The following DAG1 variants were observed in gnomAD, a reference collection of about 807,000 sequenced individuals.
DAG1 encodes the protein dystroglycan 1, also known as dystroglycan 1 (dystrophin-associated glycoprotein 1).
DAG1 carries 8 observed loss-of-function variants against 46.1 expected under a neutral mutation model. The ratio of observed to expected loss-of-function variants is 0.17; its 90% CI spans 0.10 to 0.31. The LOEUF (loss-of-function observed/expected upper bound fraction) is 0.31. Among genes scored for constraint, DAG1 ranks in the 10% least tolerant of loss-of-function variants. The pLI, the probability that DAG1 is intolerant of heterozygous loss-of-function variation, is 1.00. For missense variants in DAG1, 1,003 were observed against 1,189.9 expected, an observed-to-expected ratio of 0.84 and a Z score of 2.31; for synonymous variants, 495 against 481.8, an observed-to-expected ratio of 1.03 and a Z score of -0.36.
chr3:49,533,981 G>C lies in DAG1; in HGVS notation c.*782G>C. The stretch of plus-strand genomic sequence containing the variant: ...AAGCTGGAGGGGTCTCTTGGGCCAT[G>C]GACATCCCCACTTCCAGCCCATGTA... On this transcript the variant is annotated 3_prime_UTR_variant, in exon 3 of 3. Transcript: ENST00000308775. The C allele has an allele frequency of 1.3e-5, 2 of 156,134 alleles. No homozygotes were observed. The highest frequency in any genetic ancestry group is 2.8e-5 in the Non-Finnish European group (2 of 70,442). The allele number at this position is 156,134 out of a possible 1,614,324, so 9.7% of individuals were successfully genotyped here. A position where few individuals can be genotyped will look rare whatever the true frequency, so the allele number is the denominator to read the frequency against.
intron 1 of DAG1, among the ~76,000 whole-genome samples, chr3:49,503,860 T>C (rs1380977756): frequency 6.7e-6 from 1 of 150,138 alleles, no homozygotes; most frequent in Non-Finnish European, 1.5e-5. Context: ...AATTTAAAGG[T>C]TTTTTTTTGA....
chr3:49,475,340 G>A, intron 1 of DAG1, among the ~76,000 whole-genome samples: 1 of 150,130 alleles, frequency 6.7e-6, no homozygotes, highest in Non-Finnish European at 1.5e-5. Flanking sequence ...CCGACCTCAA[G>A]TGATCCGCCT....
At chr3:49,493,269 C>CCTGG (rs1207996156) in intron 1 of DAG1, among the ~76,000 whole-genome samples, 2 of 151,996 alleles carry the variant, frequency 1.3e-5, no homozygotes, top group African/African-American at 2.4e-5. Context: ...ATTTCAAACT[C>CCTGG]CTGGGCTCAA....
intron 2 of DAG1, among the ~76,000 whole-genome samples, chr3:49,511,490 CAGGT>C (rs781322167): frequency 3.3e-5 from 5 of 152,170 alleles, no homozygotes; most frequent in Admixed American, 6.6e-5. Context: ...GTTTCATGGA[CAGGT>C]GGGTGGGATG....
intron 2 of DAG1, among the ~76,000 whole-genome samples, chr3:49,522,417 G>A (rs1371122560): frequency 6.6e-6 from 1 of 151,650 alleles, no homozygotes; most frequent in South Asian, 2.1e-4. Context: ...CACCCGCTTC[G>A]GCTCCCGAAG....
In DAG1 at chr3:49,485,664, T is replaced by C. The variant is rs1397207439; in HGVS notation, c.-117+15231T>C. 3.1e-3 allele frequency among the ~76,000 whole-genome samples: 447 copies of C among 142,372 alleles called. 8 individuals carry two copies. Among genetic ancestry groups the C allele is most frequent in the Non-Finnish European group, 3.0e-3 (199 of 65,340 alleles). 93.4% of individuals were successfully genotyped at this position (142,372 alleles called of 152,430 possible). On this transcript the variant is annotated intron_variant, in intron 1 of 2. Transcript: ENST00000308775. ...TTTGTTTTTGTTTTCTTTCTTTTTTTTTTTTTTTTTTTTTTGAGACAAGGT... is the reference window on the plus strand; with the variant it reads ...TTTGTTTTTGTTTTCTTTCTTTTTTCTTTTTTTTTTTTTTTGAGACAAGGT...
chr3:49,532,192 A>G lies in DAG1; in HGVS notation c.1681A>G (p.Met561Val). The G allele has an allele frequency of 1.9e-6, 3 of 1,613,556 alleles. No homozygotes were observed. The highest frequency in any genetic ancestry group is 2.2e-5 in the South Asian group (2 of 91,068). The change falls in exon 3 of 3, where the codon ATG becomes GTG. Residue 561 changes from methionine to valine, a missense_variant. By Grantham distance (21) the Met-to-Val change is conservative. Coordinates refer to ENST00000308775, the MANE Select transcript of DAG1 (RefSeq NM_004393.6). This position sits in a 1 kb window ranked among gnomAD's most constrained non-coding sequence, Gnocchi z 5.4. Reference protein sequence around the residue: ...WVQFNSNSQLMYGLPDSSHVG... With the variant: ...WVQFNSNSQLVYGLPDSSHVG... Reference sequence around the variant, plus strand: ...ACAGTTCAACAGCAACAGCCAGCTCATGTATGGCCTTCCCGACAGCAGCCA... The same window carrying G: ...ACAGTTCAACAGCAACAGCCAGCTCGTGTATGGCCTTCCCGACAGCAGCCA...
intron 1 of DAG1, among the ~76,000 whole-genome samples, chr3:49,482,075 G>A (rs1187662528): frequency 6.6e-6 from 1 of 152,144 alleles, no homozygotes; most frequent in African/African-American, 2.4e-5. Flanking sequence ...AAGTATACAG[G>A]AAGATGTTTA....
In DAG1 at chr3:49,530,792, TC is replaced by T. The variant is rs749731116; in HGVS notation, c.286-4del. The T allele has an allele frequency of 7.4e-6, 12 of 1,614,196 alleles. No individual in the cohort carries two copies. Among genetic ancestry groups the T allele is most frequent in the Middle Eastern group, 1.6e-4 (1 of 6,062 alleles). On this transcript the variant is annotated splice_polypyrimidine_tract_variant and splice_region_variant and intron_variant, in intron 2 of 2. Transcript: ENST00000308775. ...ATTTTTAATTTATGCTTGTGTCTCT[TC>T]TAGGTATCAGCGGCAGGGAAGGAGG...
At chr3:49,504,944 C>T (rs1476588111) in intron 1 of DAG1, among the ~76,000 whole-genome samples, 4 of 139,120 alleles carry the variant, frequency 2.9e-5, no homozygotes, top group Non-Finnish European at 6.1e-5. Context: ...GTCTATGTAT[C>T]TGTCCCTCCA....
chr3:49,486,514 G>C (rs139083518), intron 1 of DAG1, among the ~76,000 whole-genome samples: 1 of 147,812 alleles, frequency 6.8e-6, no homozygotes, highest in Non-Finnish European at 1.5e-5. Context: ...CACCGCGCCC[G>C]GCCCTTTTTC....
chr3:49,481,481 T>C (rs2049880407), intron 1 of DAG1, among the ~76,000 whole-genome samples: 1 of 151,984 alleles, frequency 6.6e-6, no homozygotes, highest in Non-Finnish European at 1.5e-5. Context: ...AGATTTGTAC[T>C]GATTTTTATT....
chr3:49,494,911 G>A (rs1294314085), intron 1 of DAG1, among the ~76,000 whole-genome samples: 1 of 152,108 alleles, frequency 6.6e-6, no homozygotes, highest in African/African-American at 2.4e-5. Flanking sequence ...GGGATTACAG[G>A]TGTGAGCCAC....
chr3:49,486,836 A>G (rs1432857250), intron 1 of DAG1, among the ~76,000 whole-genome samples: 1 of 152,162 alleles, frequency 6.6e-6, no homozygotes, highest in Non-Finnish European at 1.5e-5. Context: ...TCTTCTGGGT[A>G]TATACCTAAG....
chr3:49,523,494 G>A (rs1039604494), intron 2 of DAG1, among the ~76,000 whole-genome samples: 3 of 152,162 alleles, frequency 2.0e-5, no homozygotes, highest in Non-Finnish European at 4.4e-5. Flanking sequence ...GTAGACAAGT[G>A]TTGACAGGCA....
At chr3:49,483,028 C>G (rs2049927630) in intron 1 of DAG1, among the ~76,000 whole-genome samples, 1 of 152,008 alleles carries the variant, frequency 6.6e-6, no homozygotes, top group Non-Finnish European at 1.5e-5. Context: ...GAAAAATGAT[C>G]CAGTCAATAA....
intron 1 of DAG1, among the ~76,000 whole-genome samples, chr3:49,503,317 T>C (rs1388496187): frequency 6.6e-6 from 1 of 152,236 alleles, no homozygotes; most frequent in African/African-American, 2.4e-5. Context: ...CCCTGATTAT[T>C]GGTAAGGTTG....
chr3:49,470,167 C>T (rs2049465828), upstream of DAG1: 1 of 151,224 alleles, frequency 6.6e-6, no homozygotes, highest in African/African-American at 2.4e-5. Context: ...AGCCAGTCGG[C>T]GCCGCGCGGA....
At chr3:49,480,338 C>T (rs1424670641) in intron 1 of DAG1, among the ~76,000 whole-genome samples, 7 of 146,362 alleles carry the variant, frequency 4.8e-5, no homozygotes, top group Non-Finnish European at 8.9e-5. Flanking sequence ...TGCAGTGGCG[C>T]GATCTCGGCT....
Sources: gnomAD v4.1 joint callset for allele counts (sites outside exome capture counted in the v4.1 genomes callset) on GRCh38, gnomAD v4.1.1 for gene constraint, Gnocchi (gnomAD v3.1) non-coding constraint, MANE v1.5 for transcripts, NCBI Gene and HGNC (gene_info 2026-07-23, HGNC 2026-07-21) for gene names.